Variants in SLC9B2 observed in about 807,000 individuals in gnomAD.
The protein encoded by SLC9B2 is sodium/hydrogen exchanger 9B2.
A neutral mutation model predicts 52.2 loss-of-function variants in SLC9B2; 39 were observed. That is an observed-to-expected ratio of 0.75 (90% CI 0.58 to 0.98). The LOEUF is 0.98. Among genes scored for constraint, SLC9B2 ranks in the 50% least tolerant of loss-of-function variants. SLC9B2 has a pLI of 0.00. For synonymous variants in SLC9B2, 214 were observed against 227.0 expected (o/e 0.94, Z 0.51); for missense variants, 626 against 637.5 (o/e 0.98, Z 0.19).
At chr4:103,061,697 AC>A (rs1433202838) in intron 3 of SLC9B2, among the ~76,000 whole-genome samples, 1 of 151,852 alleles carries the variant, frequency 6.6e-6, no homozygotes, top group Non-Finnish European at 1.5e-5. Context: ...TTTGGTAGAA[AC>A]CTCCAGGGTG....
intron 9 of SLC9B2, among the ~76,000 whole-genome samples, chr4:103,035,952 G>GA (rs1743136052): frequency 6.6e-6 from 1 of 151,944 alleles, no homozygotes; most frequent in African/African-American, 2.4e-5. Context: ...TATGAAAAAT[G>GA]AAAAAAGCTG....
rs77635036 is a variant in SLC9B2, at chr4:103,047,139, G to A, written c.801C>T (p.Val267=). ...QGGGYGVEKG[V]PTLLMAAGSF... Reference sequence around the variant, plus strand: ...TGCCAGCTGCCATGAGCAAGGTTGGGACACCCTTCTCAACACCATAGCCTC... The same window carrying A: ...TGCCAGCTGCCATGAGCAAGGTTGGAACACCCTTCTCAACACCATAGCCTC... Residue 267 remains valine, a synonymous_variant, in exon 7 of 12, where the codon GTC becomes GTT. Coordinates refer to ENST00000394785, the MANE Select transcript of SLC9B2 (RefSeq NM_178833.7). 2.7e-3 allele frequency: 4,281 copies of A among 1,613,910 alleles called. 62 individuals are homozygous for A. The African/African-American group carries it at 0.04, about 15-fold the overall frequency.
At chr4:103,059,050 C>G (rs1472606938) in intron 3 of SLC9B2, among the ~76,000 whole-genome samples, 1 of 151,966 alleles carries the variant, frequency 6.6e-6, no homozygotes, top group South Asian at 2.1e-4. Context: ...CTGTGTTACA[C>G]AGCGATACCC....
chr4:103,050,275 T>TA lies in SLC9B2; in HGVS notation c.549_550insT (p.Ile184TyrfsTer81), dbSNP rs1560551301. The TA allele has an allele frequency of 1.2e-6, 2 of 1,606,066 alleles. No individual in the cohort carries two copies. The highest frequency in any genetic ancestry group is 2.7e-5 in the African/African-American group (2 of 74,352). On this transcript the variant is annotated frameshift_variant, in exon 5 of 12. Coordinates refer to ENST00000394785, the MANE Select transcript of SLC9B2 (RefSeq NM_178833.7). LOFTEE classifies it high-confidence loss of function. ...AGACCAAGGCCAGCACGAACCAGAATGATAGACAGGGCTATGCTTCTCAAA... is the reference window on the plus strand; with the variant it reads ...AGACCAAGGCCAGCACGAACCAGAATAGATAGACAGGGCTATGCTTCTCAAA...
chr4:103,049,410 T>C (rs953175516), intron 5 of SLC9B2, among the ~76,000 whole-genome samples: 10 of 152,148 alleles, frequency 6.6e-5, no homozygotes, highest in Admixed American at 3.9e-4. Flanking sequence ...ATTTATAATT[T>C]GTGGTCCCAG....
rs138850241 is a variant in SLC9B2, at chr4:103,030,108, A to G, written c.1256-1225T>C. ...ATTGAAAGTTTGAGAAGAGGATGAG[A>G]AGGAAGTTTTAGTTGAGTTTGAACG... On this transcript the variant is annotated intron_variant, in intron 10 of 11. Coordinates refer to ENST00000394785, the MANE Select transcript of SLC9B2 (RefSeq NM_178833.7). Among the ~76,000 whole-genome samples the G allele has an allele frequency of 8.0e-4, 122 of 152,260 alleles. 2 individuals are homozygous for G. Among genetic ancestry groups the G allele is most frequent in the African/African-American group, 2.9e-3 (119 of 41,562 alleles).
chr4:103,043,213 T>C (rs532785015), intron 9 of SLC9B2, 83 bp downstream of exon 9: 27 of 1,339,316 alleles, frequency 2.0e-5, no homozygotes, highest in South Asian at 3.3e-5. Flanking sequence ...CTTTATTAAT[T>C]TGATGCTAAG....
At chr4:103,074,327 T>A (rs1337563716) in intron 1 of SLC9B2, among the ~76,000 whole-genome samples, 1 of 152,322 alleles carries the variant, frequency 6.6e-6, no homozygotes, top group African/African-American at 2.4e-5. Flanking sequence ...TCTGTATTTT[T>A]GAAGGGAGTT....
chr4:103,067,962 T>G (rs1746294319), intron 1 of SLC9B2, among the ~76,000 whole-genome samples: 1 of 152,200 alleles, frequency 6.6e-6, no homozygotes, highest in African/African-American at 2.4e-5. Context: ...AATGTTGATA[T>G]GAGGAATGAG....
chr4:103,021,963 T>C (rs531983034), downstream of SLC9B2, among the ~76,000 whole-genome samples: 1 of 152,338 alleles, frequency 6.6e-6, no homozygotes, highest in South Asian at 2.1e-4. Flanking sequence ...CTCTAAGATT[T>C]CCTCAACTTC....
chr4:103,019,798 G>GTTCTGGGGT, downstream of SLC9B2: 2 of 985,690 alleles, frequency 2.0e-6, no homozygotes, highest in Non-Finnish European at 2.4e-6. Context: ...AGAGGCGAGG[G>GTTCTGGGGT]TTCTGGGGTT....
At chr4:103,065,978 A>G (rs745588422) in intron 3 of SLC9B2, among the ~76,000 whole-genome samples, 2 of 152,238 alleles carry the variant, frequency 1.3e-5, no homozygotes, top group Non-Finnish European at 2.9e-5. Context: ...ATTACTTAAC[A>G]GTAATAACAA....
At chr4:103,061,081 G>A (rs989983566) in intron 3 of SLC9B2, among the ~76,000 whole-genome samples, 3 of 152,112 alleles carry the variant, frequency 2.0e-5, no homozygotes, top group Admixed American at 6.5e-5. Context: ...TGCTCACAGC[G>A]CTCTCAAAAT....
Position 103,024,701 on chromosome 4 carries a change from T to C in SLC9B2, c.*1669A>G, listed in dbSNP as rs571157326. On this transcript the variant is annotated 3_prime_UTR_variant, in exon 12 of 12. Coordinates refer to ENST00000394785, the MANE Select transcript of SLC9B2 (RefSeq NM_178833.7). ...GAGTTTAGATAGGATATGACAAGTA[T>C]GTAATAAACACTTCAGGTACACAGA... Among the ~76,000 whole-genome samples the C allele has an allele frequency of 2.6e-5, 4 of 152,326 alleles. No individual in the cohort carries two copies. The highest frequency in any genetic ancestry group is 9.6e-5 in the African/African-American group (4 of 41,580).
chr4:103,068,886 TC>T (rs1268156069), intron 1 of SLC9B2, among the ~76,000 whole-genome samples: 2 of 152,168 alleles, frequency 1.3e-5, no homozygotes, highest in African/African-American at 4.8e-5. Context: ...CCTCAAGGAA[TC>T]ATTTTCTCTG....
chr4:103,035,509 T>G (rs1201577755), intron 9 of SLC9B2, among the ~76,000 whole-genome samples: 1 of 152,218 alleles, frequency 6.6e-6, no homozygotes, highest in Admixed American at 6.5e-5. Context: ...AGTAATAGGA[T>G]TGCTGAGTCA....
In SLC9B2 at chr4:103,047,664, G is replaced by A. The variant is rs567762249; in HGVS notation, c.714-438C>T. ...GTGGTGTTTGGTTTTTTGTCCTTGC[G>A]ATAGTTTGCTGAGAATGATGGTTTC... is the stretch of plus-strand genomic sequence containing the variant. On this transcript the variant is annotated intron_variant, in intron 6 of 11. Transcript: ENST00000394785. Among the ~76,000 whole-genome samples, 586 of 151,328 alleles carry A rather than the reference G, an allele frequency of 3.9e-3. 4 individuals are homozygous for A. The highest frequency in any genetic ancestry group is 5.2e-3 in the Non-Finnish European group (351 of 67,934).
At chr4:103,034,702 G>T (rs1275502890) in intron 9 of SLC9B2, among the ~76,000 whole-genome samples, 2 of 152,094 alleles carry the variant, frequency 1.3e-5, no homozygotes, top group Non-Finnish European at 2.9e-5. Context: ...ATATAAAAAT[G>T]TTCAACATCA....
intron 9 of SLC9B2, among the ~76,000 whole-genome samples, chr4:103,041,446 G>C (rs912742975): frequency 1.3e-5 from 2 of 152,166 alleles, no homozygotes; most frequent in Admixed American, 1.3e-4. Flanking sequence ...CCACATTATA[G>C]TTTCTCTGAA....
Sources: allele counts gnomAD v4.1 joint callset (sites outside exome capture counted in the v4.1 genomes callset), GRCh38; gene constraint gnomAD v4.1.1; transcripts MANE v1.5; gene names NCBI Gene and HGNC (gene_info 2026-07-23, HGNC 2026-07-21).